ARFIP1: variants seen among roughly 807,000 people sequenced by gnomAD.
ARFIP1 encodes ARF interacting protein 1, also known as arfaptin-1.
In ARFIP1, 24 loss-of-function variants were observed where a neutral mutation model predicts 42.5. That is an observed-to-expected ratio of 0.57 (90% CI 0.41 to 0.80). The LOEUF (loss-of-function observed/expected upper bound fraction) is 0.80. Ranked by LOEUF, ARFIP1 falls within the 30% of genes least tolerant of loss-of-function variation. ARFIP1 has a pLI of 0.00. For synonymous variants in ARFIP1, 141 were observed against 153.7 expected, an observed-to-expected ratio of 0.92 and a Z score of 0.61; for missense variants, 354 against 434.0, an observed-to-expected ratio of 0.82 and a Z score of 1.64.
At chr4:152,857,621 A>T (rs761001486) in intron 2 of ARFIP1, among the ~76,000 whole-genome samples, 1 of 152,216 alleles carries the variant, frequency 6.6e-6, no homozygotes, top group Non-Finnish European at 1.5e-5. Context: ...CAGTTTAGTT[A>T]AATAACACCA....
intron 5 of ARFIP1, among the ~76,000 whole-genome samples, chr4:152,874,839 T>A (rs539386740): frequency 6.6e-6 from 1 of 152,162 alleles, no homozygotes; most frequent in Admixed American, 6.5e-5. Context: ...AATTTCTTAT[T>A]TTTTGTGGAG....
intron 8 of ARFIP1, among the ~76,000 whole-genome samples, chr4:152,900,001 A>G (rs1276685042): frequency 3.3e-5 from 5 of 152,160 alleles, no homozygotes; most frequent in African/African-American, 4.8e-5. Context: ...GTATAATACA[A>G]TGCTGTAATG....
intron 1 of ARFIP1, among the ~76,000 whole-genome samples, 198 bp downstream of exon 1, chr4:152,780,424 G>A (rs1730415161): frequency 6.6e-6 from 1 of 152,162 alleles, no homozygotes; most frequent in Non-Finnish European, 1.5e-5. Context: ...CTCTGAGTGT[G>A]CCCCCGAAAC....
At chr4:152,795,084 A>C (rs7655664) in intron 1 of ARFIP1, among the ~76,000 whole-genome samples, 146,603 of 152,288 alleles carry the variant, frequency 0.96, 70,616 homozygotes, top group Non-Finnish European at 0.98. Context: ...AAGCCCTTTC[A>C]CTCTTCTTTC....
At chr4:152,846,232 G>C (rs1048667757) in intron 2 of ARFIP1, among the ~76,000 whole-genome samples, 10 of 152,136 alleles carry the variant, frequency 6.6e-5, no homozygotes, top group African/African-American at 2.4e-4. Context: ...GGGGCAAAGG[G>C]TGAAAAACTA....
chr4:152,865,357 C>T (rs1275467238), intron 3 of ARFIP1, among the ~76,000 whole-genome samples: 1 of 151,992 alleles, frequency 6.6e-6, no homozygotes, highest in African/African-American at 2.4e-5. Context: ...GGCTGGTCTC[C>T]AACTCCTGAG....
intron 1 of ARFIP1, among the ~76,000 whole-genome samples, chr4:152,814,473 G>C (rs542592174): frequency 1.3e-5 from 2 of 152,260 alleles, no homozygotes; most frequent in African/African-American, 4.8e-5. Context: ...ACTTTGGAAG[G>C]CTGAGGTGGG....
chr4:152,909,938 G>T, intron 8 of ARFIP1, 126 bp from the exon 9 acceptor site: 1 of 1,215,138 alleles, frequency 8.2e-7, no homozygotes, highest in Non-Finnish European at 1.2e-6. Flanking sequence ...TGAAATACTT[G>T]GTCATTATTA....
intron 8 of ARFIP1, among the ~76,000 whole-genome samples, chr4:152,897,947 C>T (rs1737481980): frequency 6.7e-6 from 1 of 150,208 alleles, no homozygotes; most frequent in South Asian, 2.1e-4. Context: ...TCTCAGAAGA[C>T]ACTAGCAGTG....
intron 1 of ARFIP1, 139 bp downstream of exon 1, chr4:152,780,365 G>T (rs1266294612): frequency 6.6e-6 from 1 of 152,476 alleles, no homozygotes; most frequent in East Asian, 1.9e-4. Flanking sequence ...TGCCGTATCT[G>T]CCCAAGTGTT....
At chr4:152,873,161 C>T (rs1432847516) in intron 5 of ARFIP1, among the ~76,000 whole-genome samples, 1 of 152,106 alleles carries the variant, frequency 6.6e-6, no homozygotes, top group South Asian at 2.1e-4. Flanking sequence ...CCACTTAGTA[C>T]CTTTTGAATT....
intron 2 of ARFIP1, among the ~76,000 whole-genome samples, chr4:152,846,841 A>G (rs977086041): frequency 2.6e-5 from 4 of 152,102 alleles, no homozygotes; most frequent in African/African-American, 9.7e-5. Context: ...TCTGTTACAT[A>G]AAATAAAAGT....
intron 2 of ARFIP1, among the ~76,000 whole-genome samples, chr4:152,844,903 C>A (rs1001031062): frequency 4.6e-5 from 7 of 151,898 alleles, no homozygotes; most frequent in Non-Finnish European, 1.0e-4. Context: ...GTCCAAATAG[C>A]CAAAGGAATC....
At chr4:152,831,697 T>C (rs1731251332) in intron 2 of ARFIP1, among the ~76,000 whole-genome samples, 1 of 152,240 alleles carries the variant, frequency 6.6e-6, no homozygotes, top group South Asian at 2.1e-4. Flanking sequence ...GTGTACTCTT[T>C]TTCAACTGGC....
In ARFIP1 at chr4:152,910,469, G is replaced by A; in HGVS notation, c.*250G>A. On this transcript the variant is annotated 3_prime_UTR_variant, in exon 9 of 9. Transcript: ENST00000353617. Reference sequence around the variant, plus strand: ...TGAGAAATCCTTTTGTATTGTGAGGGTTGATGGCTATTTCTGTAGTTTGAA... The same window carrying A: ...TGAGAAATCCTTTTGTATTGTGAGGATTGATGGCTATTTCTGTAGTTTGAA... The A allele has an allele frequency of 3.2e-6, 1 of 315,496 alleles. No homozygotes were observed. The highest frequency in any genetic ancestry group is 5.7e-6 in the Non-Finnish European group (1 of 174,492). The allele number at this position is 315,496 out of a possible 1,614,324, so 19.5% of individuals were successfully genotyped here.
At chr4:152,796,527 A>AT (rs1486924901) in intron 1 of ARFIP1, 14 of 766,394 alleles carry the variant, frequency 1.8e-5, no homozygotes, top group Admixed American at 3.7e-5. Context: ...CTGTTTAATC[A>AT]TATTGGAAAG....
intron 1 of ARFIP1, among the ~76,000 whole-genome samples, chr4:152,806,128 C>T (rs1410458692): frequency 6.6e-6 from 1 of 152,160 alleles, no homozygotes; most frequent in East Asian, 1.9e-4. Flanking sequence ...ATTTTATGTT[C>T]TGCCACTCTT....
chr4:152,870,889 G>A, intron 4 of ARFIP1, 41 bp downstream of exon 4: 3 of 1,487,038 alleles, frequency 2.0e-6, no homozygotes. Flanking sequence ...TATTGCTACT[G>A]CTGAAGCTAC....
intron 1 of ARFIP1, among the ~76,000 whole-genome samples, chr4:152,827,015 G>T (rs903276656): frequency 6.6e-6 from 1 of 152,096 alleles, no homozygotes; most frequent in African/African-American, 2.4e-5. Context: ...AGATTCTGTG[G>T]GGAGGTGGAA....
Sources: allele counts gnomAD v4.1 joint callset (sites outside exome capture counted in the v4.1 genomes callset), GRCh38; gene constraint gnomAD v4.1.1; transcripts MANE v1.5; gene names NCBI Gene and HGNC (gene_info 2026-07-23, HGNC 2026-07-21).